HUWE1: variants seen among roughly 807,000 people sequenced by gnomAD.
HUWE1 encodes the protein E3 ubiquitin-protein ligase HUWE1.
HUWE1 carries 18 observed loss-of-function variants against 299.4 expected under a neutral mutation model. That is an observed-to-expected ratio of 0.06 (90% CI 0.04 to 0.09). The LOEUF is 0.09. Among genes scored for constraint, HUWE1 ranks in the 10% least tolerant of loss-of-function variants. The pLI is 1.00. For missense variants in HUWE1, 1,832 were observed against 3,462.3 expected, an observed-to-expected ratio of 0.53 and a Z score of 11.82; for synonymous variants, 1,317 against 1,286.1, an observed-to-expected ratio of 1.02 and a Z score of -0.51.
At chrX:53,679,608 G>A (rs1293489694) in intron 3 of HUWE1, among the ~76,000 whole-genome samples, 4 of 111,144 alleles carry the variant, frequency 3.6e-5, no homozygotes, top group African/African-American at 9.8e-5. Flanking sequence ...TAGGCAACAC[G>A]ATGAAACCCC....
Position 53,537,696 on chromosome X carries a change from T to C in HUWE1, c.11997A>G (p.Lys3999=). 2 of 1,207,329 alleles carry C rather than the reference T, an allele frequency of 1.7e-6. No individual in the cohort carries two copies. Among genetic ancestry groups the C allele is most frequent in the Non-Finnish European group, 2.2e-6 (2 of 893,159 alleles). Residue 3999 remains lysine, a splice_region_variant and synonymous_variant, in exon 78 of 84, where the codon AAA becomes AAG. Coordinates refer to ENST00000262854, the MANE Select transcript of HUWE1 (RefSeq NM_031407.7). ...AACGCTCCAGCTCTTGGCGGAAATA[T>C]CTTGGGAGGTAGAAAAGGAAGGAAG... The part of the protein sequence containing the change: ...IRVLDFDVKR[K]YFRQELERLD...
At chrX:53,537,963 C>G (rs370841594) in intron 77 of HUWE1, among the ~76,000 whole-genome samples, 2 of 111,536 alleles carry the variant, frequency 1.8e-5, no homozygotes, top group African/African-American at 6.5e-5. Context: ...TGTATACATG[C>G]ACGAGGAGAA....
chrX:53,628,687 T>C (rs2066682795), intron 14 of HUWE1, 65 bp downstream of exon 14: 2 of 1,205,858 alleles, frequency 1.7e-6, no homozygotes, highest in African/African-American at 3.5e-5. Flanking sequence ...AGGCAGGATA[T>C]TAAAAAGACA....
chrX:53,561,499 CA>C (rs1442420004), intron 55 of HUWE1, among the ~76,000 whole-genome samples: 2 of 112,135 alleles, frequency 1.8e-5, no homozygotes, highest in Non-Finnish European at 3.8e-5. Context: ...TTTAATCAAG[CA>C]AATCATCAAG....
intron 15 of HUWE1, among the ~76,000 whole-genome samples, chrX:53,628,230 G>A (rs1399123942): frequency 9.0e-6 from 1 of 111,109 alleles, no homozygotes; most frequent in African/African-American, 3.3e-5. Context: ...ATGATAACAT[G>A]TGGCAATGTT....
At chrX:53,548,335 G>A (rs2061630907) in intron 67 of HUWE1, 62 bp from the exon 68 acceptor site, 11 of 1,157,285 alleles carry the variant, frequency 9.5e-6, no homozygotes, top group Non-Finnish European at 1.3e-5. Context: ...GAGCCTTCCT[G>A]ATAGGGAAAA....
chrX:53,578,534 G>T (rs1318740654), intron 43 of HUWE1, among the ~76,000 whole-genome samples: 1 of 101,451 alleles, frequency 9.9e-6, no homozygotes, highest in Non-Finnish European at 2.0e-5. Context: ...AGGGAGGTGG[G>T]GGGTCAGCCC....
chrX:53,586,705 C>A, intron 38 of HUWE1, 77 bp downstream of exon 38: 1 of 1,165,947 alleles, frequency 8.6e-7, no homozygotes, highest in Non-Finnish European at 1.2e-6. Context: ...CCCATACATG[C>A]CCCAGAAGAG....
At chrX:53,571,119 A>T (rs1382259565) in intron 47 of HUWE1, among the ~76,000 whole-genome samples, 1 of 112,213 alleles carries the variant, frequency 8.9e-6, no homozygotes, top group Non-Finnish European at 1.9e-5. Context: ...TCTATTAAAG[A>T]GATCACTATC....
chrX:53,605,146 G>A (rs1370420056), intron 25 of HUWE1, among the ~76,000 whole-genome samples: 2 of 112,523 alleles, frequency 1.8e-5, no homozygotes, highest in Non-Finnish European at 3.8e-5. Context: ...AATTTTGCTC[G>A]ATAGGAAACA....
chrX:53,553,924 G>A (rs1022658988), intron 61 of HUWE1, among the ~76,000 whole-genome samples: 5 of 111,775 alleles, frequency 4.5e-5, no homozygotes, highest in Non-Finnish European at 7.5e-5. Flanking sequence ...TATAGAGCAG[G>A]GATGGCAAGC....
intron 3 of HUWE1, among the ~76,000 whole-genome samples, chrX:53,671,359 C>G (rs2069519150): frequency 8.9e-6 from 1 of 112,105 alleles, no homozygotes; most frequent in Non-Finnish European, 1.9e-5. Context: ...TCATTCGACA[C>G]TTATTTACTG....
intron 44 of HUWE1, among the ~76,000 whole-genome samples, chrX:53,576,231 A>G: frequency 8.9e-6 from 1 of 112,318 alleles, no homozygotes; most frequent in Middle Eastern, 4.6e-3. Flanking sequence ...TATTAAAGGC[A>G]GCATTCATCA....
At chrX:53,564,825 G>T (rs930859902) in intron 50 of HUWE1, 103 bp from the exon 51 acceptor site, 13 of 1,062,623 alleles carry the variant, frequency 1.2e-5, no homozygotes, top group East Asian at 3.0e-5. Flanking sequence ...GGGCAAGTTT[G>T]TAAGTTCTCA....
At chrX:53,604,873 G>A (rs782367178) in intron 25 of HUWE1, 39 bp from the exon 26 acceptor site, 2 of 1,149,491 alleles carry the variant, frequency 1.7e-6, no homozygotes, top group South Asian at 1.8e-5. Flanking sequence ...AATATACAAT[G>A]AACTTCAAAT....
intron 60 of HUWE1, among the ~76,000 whole-genome samples, chrX:53,555,761 C>A (rs2061981499): frequency 9.2e-6 from 1 of 108,865 alleles, no homozygotes; most frequent in South Asian, 4.1e-4. Context: ...CCTGCCTCAG[C>A]CTCCTGAGTA....
chrX:53,627,549 G>GTA lies in HUWE1; in HGVS notation c.1384-36_1384-35dup, dbSNP rs1557018880. The GTA allele has an allele frequency of 6.8e-6, 5 of 736,973 alleles. No individual in the cohort carries two copies. In the African/African-American group the frequency reaches 1.1e-4, roughly 17 times the overall value. 60.7% of individuals were successfully genotyped at this position (736,973 alleles called of 1,213,427 possible). On this transcript the variant is annotated intron_variant, in intron 16 of 83. Transcript: ENST00000262854. ...AAGAGAAAGGTTATAAGAAAATCAA[G>GTA]TATATATATATATATTTTTTTTTTC...
At chrX:53,574,003 G>A in intron 46 of HUWE1, 39 bp from the exon 47 acceptor site, 1 of 1,092,129 alleles carries the variant, frequency 9.2e-7, no homozygotes, top group Non-Finnish European at 1.3e-6. Context: ...ATTCCACACT[G>A]GAACACTGGC....
In HUWE1 at chrX:53,566,109, A is replaced by ATGTGTG. The variant is rs1436785088; in HGVS notation, c.6708-871_6708-870insCACACA. Reference sequence around the variant, plus strand: ...TGTGAGTCTATGTATGTATGTATGTATGTATGTATGTGTGTGTGTGTGTGT... The same window carrying ATGTGTG: ...TGTGAGTCTATGTATGTATGTATGTATGTGTGTGTATGTATGTGTGTGTGTGTGTGT... On this transcript the variant is annotated intron_variant, in intron 49 of 83. Coordinates refer to ENST00000262854, the MANE Select transcript of HUWE1 (RefSeq NM_031407.7). Among the ~76,000 whole-genome samples the ATGTGTG allele has an allele frequency of 5.7e-3, 259 of 45,057 alleles. 1 individual carries two copies. The highest frequency in any genetic ancestry group is 0.015 in the African/African-American group (189 of 12,922). The allele number at this position is 45,057 out of a possible 115,157, so 39.1% of individuals were successfully genotyped here.
Sources: gnomAD v4.1 joint callset for allele counts (sites outside exome capture counted in the v4.1 genomes callset) on GRCh38, gnomAD v4.1.1 for gene constraint, MANE v1.5 for transcripts, NCBI Gene and HGNC (gene_info 2026-07-23, HGNC 2026-07-21) for gene names.